Variants in PIK3C2G observed in about 807,000 individuals in gnomAD.
PIK3C2G encodes the protein phosphatidylinositol 3-kinase C2 domain-containing subunit gamma.
A neutral mutation model predicts 181.1 loss-of-function variants in PIK3C2G; 168 were observed. The observed-to-expected ratio is 0.93, with a 90% CI of 0.82 to 1.05. The LOEUF is 1.05. Ranked by LOEUF, PIK3C2G falls within the 50% of genes least tolerant of loss-of-function variation. PIK3C2G has a pLI of 0.00. For synonymous variants in PIK3C2G, 573 were observed against 592.2 expected (o/e 0.97, Z 0.47); for missense variants, 1,869 against 1,732.8 (o/e 1.08, Z -1.40).
chr12:18,696,327 T>TATATATATATATAC, the PIK3C2G span: 1 of 50,526 alleles, frequency 2.0e-5, no homozygotes, highest in South Asian at 1.3e-3. Flanking sequence ...AGCCACTATA[T>TATATATATATATAC]ATATATATAT....
At chr12:18,695,741 C>G in the PIK3C2G span, among the ~76,000 whole-genome samples, 5 of 152,182 alleles carry the variant, frequency 3.3e-5, no homozygotes, top group South Asian at 8.3e-4. Flanking sequence ...CCAAGTTAGG[C>G]AATCTTATTC....
At chr12:18,717,734 C>A in the PIK3C2G span, among the ~76,000 whole-genome samples, 1 of 152,162 alleles carries the variant, frequency 6.6e-6, no homozygotes, top group African/African-American at 2.4e-5. Flanking sequence ...CTTGATTCCT[C>A]TCTTTCCCTC....
At chr12:18,599,258 A>G (rs1490709479) in intron 30 of PIK3C2G, among the ~76,000 whole-genome samples, 2 of 152,182 alleles carry the variant, frequency 1.3e-5, no homozygotes, top group Non-Finnish European at 2.9e-5. Context: ...CAAATGTCCA[A>G]CAATGAAAGA....
chr12:18,533,542 T>C (rs1291889326), intron 24 of PIK3C2G, among the ~76,000 whole-genome samples: 1 of 152,158 alleles, frequency 6.6e-6, no homozygotes, highest in Non-Finnish European at 1.5e-5. Flanking sequence ...TCTGATCTGC[T>C]CATATATACC....
intron 24 of PIK3C2G, among the ~76,000 whole-genome samples, chr12:18,520,959 C>A (rs973506310): frequency 3.3e-5 from 5 of 152,012 alleles, no homozygotes; most frequent in Non-Finnish European, 5.9e-5. Context: ...GTTGTTGTTG[C>A]ATTCTGTTTG....
intron 18 of PIK3C2G, among the ~76,000 whole-genome samples, chr12:18,442,689 T>C (rs1185009685): frequency 6.6e-6 from 1 of 152,108 alleles, no homozygotes; most frequent in Non-Finnish European, 1.5e-5. Flanking sequence ...GAAAAAGAGT[T>C]CCAAGTTATA....
At chr12:18,723,766 G>T in the PIK3C2G span, among the ~76,000 whole-genome samples, 3 of 152,058 alleles carry the variant, frequency 2.0e-5, no homozygotes, top group Admixed American at 2.0e-4. Flanking sequence ...ATAAAGAAAG[G>T]AATGTGGGAG....
the PIK3C2G span, among the ~76,000 whole-genome samples, chr12:18,655,030 C>T: frequency 7.0e-6 from 1 of 142,102 alleles, no homozygotes; most frequent in Non-Finnish European, 1.5e-5. Flanking sequence ...CCGAAACAGT[C>T]TTAAAAGTAT....
In PIK3C2G at chr12:18,338,489, A is replaced by G. The variant is rs1273095733; in HGVS notation, c.1336A>G (p.Thr446Ala). 1 of 1,588,304 alleles carries G rather than the reference A, an allele frequency of 6.3e-7. No homozygotes were observed. ...ATGCAGTGTTCTAGGGTGTGTGGAA[A>G]CCAAACAAATTACAGATGCAGTAAA... Reference protein sequence around the residue: ...KICSVLGCVETKQITDAVNEL... With the variant: ...KICSVLGCVEAKQITDAVNEL... The change falls in exon 9 of 33, where the codon ACC becomes GCC. Residue 446 changes from threonine (T) to alanine (A), a missense_variant. Thr to Ala is a moderately conservative substitution (Grantham distance 58). Transcript: ENST00000538779.
chr12:18,488,193 G>T (rs1490172949), intron 18 of PIK3C2G, among the ~76,000 whole-genome samples: 1 of 152,080 alleles, frequency 6.6e-6, no homozygotes, highest in African/African-American at 2.4e-5. Context: ...AGGACTGAAA[G>T]GAGAAAAGAT....
At chr12:18,532,223 T>C (rs987169888) in intron 24 of PIK3C2G, among the ~76,000 whole-genome samples, 3 of 152,170 alleles carry the variant, frequency 2.0e-5, no homozygotes, top group Non-Finnish European at 2.9e-5. Context: ...TTTCTAATTA[T>C]ATTGTTTGAT....
chr12:18,621,768 T>TATCA (rs1203246199), intron 31 of PIK3C2G, among the ~76,000 whole-genome samples: 1 of 151,840 alleles, frequency 6.6e-6, no homozygotes, highest in Admixed American at 6.6e-5. Flanking sequence ...ATCACCTATT[T>TATCA]ATCATAAGAT....
chr12:18,292,227 A>AAAAAAAAAAAATATATAT, intron 4 of PIK3C2G, among the ~76,000 whole-genome samples: 3 of 48,734 alleles, frequency 6.2e-5, no homozygotes, highest in Admixed American at 3.4e-4. Context: ...AAAAAAAAAA[A>AAAAAAAAAAAATATATAT]ATATATATAT....
At chr12:18,462,861 T>C (rs1947994972) in intron 18 of PIK3C2G, among the ~76,000 whole-genome samples, 1 of 152,154 alleles carries the variant, frequency 6.6e-6, no homozygotes, top group Admixed American at 6.5e-5. Flanking sequence ...TATAATCTAC[T>C]CTCTTTATTA....
At chr12:18,423,490 G>A (rs930759404) in intron 17 of PIK3C2G, among the ~76,000 whole-genome samples, 1 of 152,148 alleles carries the variant, frequency 6.6e-6, no homozygotes, top group Non-Finnish European at 1.5e-5. Context: ...GGTAGTAACA[G>A]TCAGTTTTGA....
chr12:18,546,302 C>T (rs1359675770), intron 25 of PIK3C2G, 21 bp from the exon 26 acceptor site: 4 of 1,351,372 alleles, frequency 3.0e-6, no homozygotes, highest in Admixed American at 1.9e-5. Context: ...TTTTGCTTTG[C>T]TTGTTCTTGT....
At chr12:18,348,968 A>T (rs1939951216) in intron 11 of PIK3C2G, among the ~76,000 whole-genome samples, 1 of 152,054 alleles carries the variant, frequency 6.6e-6, no homozygotes, top group Non-Finnish European at 1.5e-5. Context: ...TTATTGAAAG[A>T]CCTCAGTTCC....
In PIK3C2G at chr12:18,411,683, T is replaced by C. The variant is rs547927867; in HGVS notation, c.2316-9258T>C. Among the ~76,000 whole-genome samples the C allele has an allele frequency of 4.1e-4, 62 of 152,268 alleles. No individual in the cohort carries two copies. In the South Asian group the frequency reaches 5.0e-3, roughly 12 times the overall value. Reference sequence around the variant, plus strand: ...ATGATTTTCTAATTCTAACCTGACATTGGGGCTTTTAGCTGTGAATAGCCT... The same window carrying C: ...ATGATTTTCTAATTCTAACCTGACACTGGGGCTTTTAGCTGTGAATAGCCT... On this transcript the variant is annotated intron_variant, in intron 16 of 32. Transcript: ENST00000538779.
chr12:18,476,484 A>G (rs1031086931), intron 18 of PIK3C2G, among the ~76,000 whole-genome samples: 5 of 152,164 alleles, frequency 3.3e-5, no homozygotes, highest in African/African-American at 4.8e-5. Context: ...ATTAGATTTC[A>G]TTAGACTAAG....
Sources: gnomAD v4.1 joint callset for allele counts (sites outside exome capture counted in the v4.1 genomes callset) on GRCh38, gnomAD v4.1.1 for gene constraint, MANE v1.5 for transcripts, NCBI Gene and HGNC (gene_info 2026-07-23, HGNC 2026-07-21) for gene names.